DCK: variants seen among roughly 807,000 people sequenced by gnomAD.
The protein encoded by DCK is deoxyadenosine kinase.
A neutral mutation model predicts 38.3 loss-of-function variants in DCK; 23 were observed. The ratio of observed to expected loss-of-function variants is 0.60; its 90% CI spans 0.43 to 0.85. The LOEUF (loss-of-function observed/expected upper bound fraction) is 0.85. DCK is among the 40% of genes least tolerant of loss of function. The probability of loss-of-function intolerance (pLI) is 0.00; values close to 1 mark genes in which losing one functional copy is unlikely to be tolerated. For missense variants in DCK, 259 were observed against 304.4 expected (o/e 0.85, Z 1.11); for synonymous variants, 108 against 100.6 (o/e 1.07, Z -0.44).
intron 2 of DCK, among the ~76,000 whole-genome samples, chr4:71,014,066 T>C (rs1227613410): frequency 6.6e-6 from 1 of 152,052 alleles, no homozygotes; most frequent in African/African-American, 2.4e-5. Context: ...TAAAGGGATG[T>C]ATGAAGATCT....
At chr4:71,012,273 T>C (rs1458322974) in intron 2 of DCK, among the ~76,000 whole-genome samples, 1 of 152,198 alleles carries the variant, frequency 6.6e-6, no homozygotes. Flanking sequence ...GGCTGGAAGC[T>C]GGAACTGGGT....
Position 71,023,632 on chromosome 4 carries a change from C to T in DCK, c.475C>T (p.His159Tyr). 3 of 1,612,750 alleles carry T rather than the reference C, an allele frequency of 1.9e-6. No individual in the cohort carries two copies. Among genetic ancestry groups the T allele is most frequent in the Non-Finnish European group, 2.5e-6 (3 of 1,178,970 alleles). Residue 159 changes from histidine (H) to tyrosine (Y), a missense_variant, in exon 4 of 7, where the codon CAT (histidine) becomes TAT (tyrosine). Physicochemically the swap from His to Tyr is moderately conservative, Grantham distance 83. Around this residue, in one of 3 missense-constraint regions of DCK, gnomAD observed 18 missense variants for 41.6 expected, o/e 0.43. Coordinates refer to ENST00000286648, the MANE Select transcript of DCK (RefSeq NM_000788.3). ...ETEWTIYQDW[H>Y]DWMNNQFGQS... ...AGAGTGGACAATTTATCAAGACTGG[C>T]ATGACTGGATGAATAACCAATTTGG...
Position 70,993,889 on chromosome 4 carries a change from G to T in DCK, c.54G>T (p.Gly18=), listed in dbSNP as rs765857928. 1 of 1,614,082 alleles carries T rather than the reference G, an allele frequency of 6.2e-7. No homozygotes were observed. Among genetic ancestry groups the T allele is most frequent in the Non-Finnish European group, 8.5e-7 (1 of 1,179,944 alleles). Residue 18 remains glycine (G), a synonymous_variant, in exon 1 of 7, where the codon GGG becomes GGT. Coordinates refer to ENST00000286648, the MANE Select transcript of DCK (RefSeq NM_000788.3). ...CGTCTTTCTCAGCCAGCTCTGAGGGGACCCGCATCAAGAAAATCTCCATCG... is the reference window on the plus strand; with the variant it reads ...CGTCTTTCTCAGCCAGCTCTGAGGGTACCCGCATCAAGAAAATCTCCATCG... ...SCPSFSASSE[G]TRIKKISIEG...
In DCK at chr4:70,993,773, C is replaced by A; in HGVS notation, c.-63C>A. 1.7e-6 allele frequency: 2 copies of A among 1,194,572 alleles called. No individual in the cohort carries two copies. Among genetic ancestry groups the A allele is most frequent in the Non-Finnish European group, 2.4e-6 (2 of 821,936 alleles). 74.0% of individuals were successfully genotyped at this position (1,194,572 alleles called of 1,614,324 possible). ...GCGGCGCCGCGAGCTCCAGTGCGCGCACCCGTGGCCGCCTCCCAGCCCTCT... is the reference window on the plus strand; with the variant it reads ...GCGGCGCCGCGAGCTCCAGTGCGCGAACCCGTGGCCGCCTCCCAGCCCTCT... On this transcript the variant is annotated 5_prime_UTR_variant, in exon 1 of 7. Coordinates refer to ENST00000286648, the MANE Select transcript of DCK (RefSeq NM_000788.3).
At chr4:70,997,616 C>G (rs1739689510) in intron 1 of DCK, among the ~76,000 whole-genome samples, 1 of 152,148 alleles carries the variant, frequency 6.6e-6, no homozygotes, top group African/African-American at 2.4e-5. Context: ...TTCTACTCCC[C>G]ATGGATCTAA....
chr4:71,000,815 CTCTG>C (rs1560679448), intron 2 of DCK, among the ~76,000 whole-genome samples: 1 of 151,630 alleles, frequency 6.6e-6, no homozygotes, highest in Non-Finnish European at 1.5e-5. Context: ...TGATTTGGTT[CTCTG>C]TCTGTTAGTG....
At chr4:71,000,457 G>A (rs1739774987) in intron 2 of DCK, among the ~76,000 whole-genome samples, 1 of 152,174 alleles carries the variant, frequency 6.6e-6, no homozygotes, top group African/African-American at 2.4e-5. Context: ...GGTAGCATGA[G>A]GCCTCAAGCC....
intron 2 of DCK, among the ~76,000 whole-genome samples, chr4:71,006,798 C>T (rs1739953989): frequency 6.6e-6 from 1 of 151,690 alleles, no homozygotes; most frequent in African/African-American, 2.4e-5. Context: ...ACAGCAAGAC[C>T]CTGTCTAAAA....
intron 2 of DCK, among the ~76,000 whole-genome samples, chr4:71,006,603 T>C (rs1160402585): frequency 1.3e-5 from 2 of 150,398 alleles, no homozygotes; most frequent in African/African-American, 4.9e-5. Context: ...AGCCCAGGAG[T>C]TCAAGACCAG....
Position 71,003,224 on chromosome 4 carries a change from TTGAC to T in DCK, c.207+5045_207+5048del, listed in dbSNP as rs1319173281. Among the ~76,000 whole-genome samples, 3 of 152,324 alleles carry T rather than the reference TTGAC, an allele frequency of 2.0e-5. No individual in the cohort carries two copies. The East Asian group carries it at 5.8e-4, about 29-fold the overall frequency. On this transcript the variant is annotated intron_variant, in intron 2 of 6. Coordinates refer to ENST00000286648, the MANE Select transcript of DCK (RefSeq NM_000788.3). ...TTCTCCTTCACTTATGAAGCTTAGTTTGACTGGTTATGAAATTCTGGGTTGAAAA... is the reference window on the plus strand; with the variant it reads ...TTCTCCTTCACTTATGAAGCTTAGTTTGGTTATGAAATTCTGGGTTGAAAA...
intron 2 of DCK, among the ~76,000 whole-genome samples, chr4:71,018,868 C>T (rs1015215412): frequency 1.3e-5 from 2 of 151,904 alleles, no homozygotes; most frequent in East Asian, 1.9e-4. Context: ...GACAGGGTTT[C>T]GCCATGTTGC....
rs1053108492 is a variant in DCK at position 71,018,915 on chromosome 4, G to A, written c.208-3452G>A. Among the ~76,000 whole-genome samples, 23 of 152,044 alleles carry A rather than the reference G, an allele frequency of 1.5e-4. No homozygotes were observed. In the East Asian group the frequency reaches 1.5e-3, roughly 10 times the overall value. ...TGGAACTCCTGAGCTTAAGTGATCC[G>A]CCTGCCTCGGACTCCCAAAGTGCTG... is the stretch of plus-strand genomic sequence containing the variant. On this transcript the variant is annotated intron_variant, in intron 2 of 6. Transcript: ENST00000286648.
At chr4:71,014,297 T>C (rs1740194253) in intron 2 of DCK, among the ~76,000 whole-genome samples, 1 of 152,156 alleles carries the variant, frequency 6.6e-6, no homozygotes, top group Non-Finnish European at 1.5e-5. Context: ...CAAAGAGACT[T>C]AGACTCCCAC....
At chr4:71,007,598 A>T (rs1420691934) in intron 2 of DCK, among the ~76,000 whole-genome samples, 1 of 152,234 alleles carries the variant, frequency 6.6e-6, no homozygotes, top group East Asian at 1.9e-4. Flanking sequence ...ATATAAGTGG[A>T]ATTACATTGT....
chr4:71,022,976 G>C (rs1054362522), intron 3 of DCK, among the ~76,000 whole-genome samples: 6 of 152,078 alleles, frequency 3.9e-5, no homozygotes, highest in Non-Finnish European at 7.4e-5. Flanking sequence ...AGTTAGCTCA[G>C]AACAGAGGTT....
intron 2 of DCK, among the ~76,000 whole-genome samples, chr4:71,012,378 C>T (rs1416804511): frequency 5.9e-5 from 9 of 152,262 alleles, no homozygotes; most frequent in South Asian, 2.1e-4. Context: ...GAAACCTCTA[C>T]GGACTTAAAT....
At chr4:71,023,426 T>A in intron 3 of DCK, 133 bp from the exon 4 acceptor site, 1 of 603,660 alleles carries the variant, frequency 1.7e-6, no homozygotes, top group Non-Finnish European at 2.8e-6. Flanking sequence ...GGAAAGACTC[T>A]TGTCTTTTTC....
Position 71,022,394 on chromosome 4 carries a change from G to C in DCK, c.235G>C (p.Gly79Arg), listed in dbSNP as rs1164977520. ...EELTMSQKNG[G>R]NVLQMMYEKP... ...ACTTACAATGTCTCAGAAAAATGGT[G>C]GGAATGTTCTTCAGATGATGTATGA... The change falls in exon 3 of 7, where the codon GGG becomes CGG. Residue 79 changes from glycine to arginine, a missense_variant. Gly to Arg is a moderately radical substitution (Grantham distance 125). This residue lies in a region of DCK where 159 missense variants were observed against 159.0 expected (regional missense o/e 1.00). Coordinates refer to ENST00000286648, the MANE Select transcript of DCK (RefSeq NM_000788.3). 4.6e-6 allele frequency: 7 copies of C among 1,533,576 alleles called. No individual in the cohort carries two copies. Among genetic ancestry groups the C allele is most frequent in the Non-Finnish European group, 6.1e-6 (7 of 1,142,606 alleles). The allele number at this position is 1,533,576 out of a possible 1,614,324, so 95.0% of individuals were successfully genotyped here.
At position 71,029,639 on chromosome 4, in the gene DCK, A is replaced by G. The variant is rs965072787; in HGVS notation, c.*261A>G. 2 of 391,412 alleles carry G rather than the reference A, an allele frequency of 5.1e-6. No individual in the cohort carries two copies. The highest frequency in any genetic ancestry group is 4.2e-5 in the African/African-American group (2 of 47,682). The allele number at this position is 391,412 out of a possible 1,614,324, so 24.2% of individuals were successfully genotyped here. A position where few individuals can be genotyped will look rare whatever the true frequency, so the allele number is the denominator to read the frequency against. The stretch of plus-strand genomic sequence containing the variant: ...AAATGTAGAGGTAGATGGTTCCAGT[A>G]TCAGCATAGTGACTAAACTACATTA... On this transcript the variant is annotated 3_prime_UTR_variant, in exon 7 of 7. Coordinates refer to ENST00000286648, the MANE Select transcript of DCK (RefSeq NM_000788.3).
Sources: gnomAD v4.1 joint callset for allele counts (sites outside exome capture counted in the v4.1 genomes callset) on GRCh38, gnomAD v4.1.1 for gene constraint, gnomAD v4.1.1 regional missense constraint, MANE v1.5 for transcripts, NCBI Gene and HGNC (gene_info 2026-07-23, HGNC 2026-07-21) for gene names.